Variants in ZNF521 observed in about 807,000 individuals in gnomAD.
ZNF521 encodes zinc finger protein 521.
ZNF521 carries 14 observed loss-of-function variants against 105.5 expected under a neutral mutation model. The ratio of observed to expected loss-of-function variants is 0.13; its 90% CI spans 0.09 to 0.21. ZNF521 has a LOEUF of 0.21. ZNF521 is among the 10% of genes least tolerant of loss of function. The pLI is 1.00. For missense variants in ZNF521, 1,233 were observed against 1,629.7 expected (o/e 0.76, Z 4.19); for synonymous variants, 635 against 606.0 (o/e 1.05, Z -0.70).
intron 5 of ZNF521, among the ~76,000 whole-genome samples, chr18:25,146,582 C>T (rs937347387): frequency 2.0e-5 from 3 of 152,134 alleles, no homozygotes; most frequent in South Asian, 2.1e-4. Flanking sequence ...AAAAAAGCCC[C>T]CCATCTTTAT....
chr18:25,300,131 T>C (rs866900008), intron 3 of ZNF521, among the ~76,000 whole-genome samples: 6 of 152,044 alleles, frequency 3.9e-5, no homozygotes, highest in Admixed American at 2.0e-4. Flanking sequence ...AGACGAGACA[T>C]GTGGAAAGGA....
At chr18:25,118,295 CAGACTGATGGGATATT>C (rs1198774573) in intron 5 of ZNF521, among the ~76,000 whole-genome samples, 1 of 151,902 alleles carries the variant, frequency 6.6e-6, no homozygotes, top group Non-Finnish European at 1.5e-5. Flanking sequence ...AGTTCTTCTT[CAGACTGATGGGATATT>C]AGACCAGATG....
intron 7 of ZNF521, among the ~76,000 whole-genome samples, chr18:25,070,021 C>T (rs1256270742): frequency 6.6e-6 from 1 of 152,158 alleles, no homozygotes; most frequent in Non-Finnish European, 1.5e-5. Flanking sequence ...TTCACATGGG[C>T]TTGGTCTGAC....
intron 7 of ZNF521, among the ~76,000 whole-genome samples, chr18:25,077,187 C>T (rs1210040448): frequency 6.6e-6 from 1 of 152,152 alleles, no homozygotes; most frequent in African/African-American, 2.4e-5. Context: ...GCTCTGAATA[C>T]AAGGGTCACA....
chr18:25,140,959 T>C (rs561124995), intron 5 of ZNF521, among the ~76,000 whole-genome samples: 10 of 152,292 alleles, frequency 6.6e-5, no homozygotes, highest in African/African-American at 2.4e-4. Context: ...GAAACACAGA[T>C]ATTTACCCAA....
At chr18:25,245,444 T>C (rs1386472114) in intron 3 of ZNF521, among the ~76,000 whole-genome samples, 8 of 152,164 alleles carry the variant, frequency 5.3e-5, no homozygotes, top group African/African-American at 1.2e-4. Flanking sequence ...CAAACACTCA[T>C]ATGCTTTTTA....
At chr18:25,088,008 G>A (rs1031417236) in intron 7 of ZNF521, among the ~76,000 whole-genome samples, 2 of 152,086 alleles carry the variant, frequency 1.3e-5, no homozygotes, top group Admixed American at 6.5e-5. Context: ...AAGGAAGCAC[G>A]AAGTTGCCCC....
intron 5 of ZNF521, among the ~76,000 whole-genome samples, chr18:25,096,381 C>A (rs536700881): frequency 6.6e-6 from 1 of 152,152 alleles, no homozygotes; most frequent in East Asian, 1.9e-4. Context: ...ACCTACATAA[C>A]TATTTATTAG....
At position 25,062,752 on chromosome 18, in the gene ZNF521, C is replaced by CAAGAAAA; in HGVS notation, c.3907-12_3907-11insTTTTCTT. ...GGTCATTGTATGATTCTGTAAATAA[C>CAAGAAAA]AAAAAAAAAAAAAAAAAAAAAAAAA... On this transcript the variant is annotated splice_polypyrimidine_tract_variant and intron_variant, in intron 7 of 7. Transcript: ENST00000361524. 2.8e-6 allele frequency: 1 copy of CAAGAAAA among 359,496 alleles called. No homozygotes were observed. 22.3% of individuals were successfully genotyped at this position (359,496 alleles called of 1,614,324 possible).
intron 2 of ZNF521, among the ~76,000 whole-genome samples, chr18:25,340,771 T>C (rs1914155533): frequency 6.6e-6 from 1 of 152,144 alleles, no homozygotes. Flanking sequence ...AGGACTCTCC[T>C]AGCCTAGGGA....
chr18:25,283,427 A>T (rs538173184), intron 3 of ZNF521, among the ~76,000 whole-genome samples: 2 of 152,304 alleles, frequency 1.3e-5, no homozygotes, highest in Non-Finnish European at 2.9e-5. Context: ...ACGCTAATTA[A>T]AAGCTGAGGT....
At chr18:25,256,746 C>G (rs961869591) in intron 3 of ZNF521, among the ~76,000 whole-genome samples, 1 of 151,422 alleles carries the variant, frequency 6.6e-6, no homozygotes, top group East Asian at 1.9e-4. Context: ...AAGACAAGAA[C>G]AGAGCTAGGA....
At chr18:25,073,514 AT>A (rs1305840449) in intron 7 of ZNF521, among the ~76,000 whole-genome samples, 1 of 152,212 alleles carries the variant, frequency 6.6e-6, no homozygotes, top group Non-Finnish European at 1.5e-5. Flanking sequence ...CAGGGCATTG[AT>A]TTAAAAACTG....
At chr18:25,342,770 G>A (rs1219066490) in intron 2 of ZNF521, among the ~76,000 whole-genome samples, 1 of 152,154 alleles carries the variant, frequency 6.6e-6, no homozygotes, top group Non-Finnish European at 1.5e-5. Context: ...AAAGACAAAA[G>A]GTGCTGATAG....
chr18:25,137,922 T>G (rs1757389052), intron 5 of ZNF521, among the ~76,000 whole-genome samples: 1 of 152,202 alleles, frequency 6.6e-6, no homozygotes, highest in African/African-American at 2.4e-5. Context: ...AAAAAAAGTC[T>G]TTATTAATGG....
chr18:25,070,624 A>T (rs552788931), intron 7 of ZNF521, among the ~76,000 whole-genome samples: 1 of 152,268 alleles, frequency 6.6e-6, no homozygotes, highest in Admixed American at 6.5e-5. Flanking sequence ...GGCGCTGGAC[A>T]ATTCTTTGTT....
chr18:25,183,905 G>A (rs772404978), intron 5 of ZNF521, among the ~76,000 whole-genome samples: 1 of 152,134 alleles, frequency 6.6e-6, no homozygotes, highest in South Asian at 2.1e-4. Context: ...GAAAAAAAGA[G>A]CTTCACAAAA....
chr18:25,192,666 A>G (rs2035837615), intron 5 of ZNF521, among the ~76,000 whole-genome samples: 1 of 149,742 alleles, frequency 6.7e-6, no homozygotes, highest in Non-Finnish European at 1.5e-5. Flanking sequence ...TTAAATGTCT[A>G]GTTGAGATTA....
At chr18:25,123,347 A>C (rs1477427390) in intron 5 of ZNF521, among the ~76,000 whole-genome samples, 1 of 152,144 alleles carries the variant, frequency 6.6e-6, no homozygotes, top group Non-Finnish European at 1.5e-5. Context: ...TTAAAAGAAA[A>C]CACAGAAATG....
Sources: gnomAD v4.1 joint callset for allele counts (sites outside exome capture counted in the v4.1 genomes callset) on GRCh38, gnomAD v4.1.1 for gene constraint, MANE v1.5 for transcripts, NCBI Gene and HGNC (gene_info 2026-07-23, HGNC 2026-07-21) for gene names.